FRY: variants seen among roughly 807,000 people sequenced by gnomAD.
FRY encodes FRY microtubule binding protein, also known as protein furry homolog.
FRY carries 128 observed loss-of-function variants against 348.4 expected under a neutral mutation model. That is an observed-to-expected ratio of 0.37 (90% CI 0.32 to 0.43). The LOEUF (loss-of-function observed/expected upper bound fraction) is 0.43, where lower values mean the gene tolerates loss of function less well. Among genes scored for constraint, FRY ranks in the 20% least tolerant of loss-of-function variants. FRY has a pLI of 1.00. For synonymous variants in FRY, 1,370 were observed against 1,374.7 expected (o/e 1.00, Z 0.08); for missense variants, 2,736 against 3,695.2 (o/e 0.74, Z 6.73).
chr13:32,254,078 A>G, intron 50 of FRY, 146 bp from the exon 51 acceptor site: 1 of 793,036 alleles, frequency 1.3e-6, no homozygotes, highest in African/African-American at 1.7e-5. Flanking sequence ...TCCAACATAA[A>G]TAATAAAAGA....
At chr13:32,085,305 A>T (rs1447032495) in intron 2 of FRY, among the ~76,000 whole-genome samples, 1 of 152,196 alleles carries the variant, frequency 6.6e-6, no homozygotes, top group Non-Finnish European at 1.5e-5. Context: ...TCTATATAGC[A>T]TCTATTACTG....
chr13:32,246,149 C>T lies in FRY; in HGVS notation c.6829-1174C>T, dbSNP rs115088124. ...TGAGGCTGTCCATTTTGTCTTAGGCCTGCGGGCGACGTCTGATACTTTTTA... is the reference window on the plus strand; with the variant it reads ...TGAGGCTGTCCATTTTGTCTTAGGCTTGCGGGCGACGTCTGATACTTTTTA... On this transcript the variant is annotated intron_variant, in intron 47 of 60. Coordinates refer to ENST00000542859, the MANE Select transcript of FRY (RefSeq NM_023037.3). 6.3e-3 allele frequency among the ~76,000 whole-genome samples: 966 copies of T among 152,316 alleles called. 14 individuals are homozygous for T. The highest frequency in any genetic ancestry group is 0.023 in the African/African-American group (943 of 41,562).
At chr13:32,179,567 G>A (rs1017525106) in intron 22 of FRY, 108 bp from the exon 23 acceptor site, 1 of 894,058 alleles carries the variant, frequency 1.1e-6, no homozygotes, top group Non-Finnish European at 1.8e-6. Flanking sequence ...GCAGTGCCTT[G>A]GGATATGGTT....
chr13:32,132,083 T>A (rs1020828399), intron 8 of FRY, among the ~76,000 whole-genome samples: 5 of 152,174 alleles, frequency 3.3e-5, no homozygotes, highest in African/African-American at 4.8e-5. Flanking sequence ...GCTGACTTTT[T>A]TCTCTTTCAC....
chr13:32,117,257 G>C, intron 3 of FRY, 77 bp from the exon 4 acceptor site: 2 of 1,334,452 alleles, frequency 1.5e-6, no homozygotes, highest in South Asian at 2.4e-5. Context: ...AGTGCTTGGG[G>C]TTACTTGTGA....
At chr13:32,189,529 T>C (rs1883210112) in intron 28 of FRY, among the ~76,000 whole-genome samples, 1 of 151,844 alleles carries the variant, frequency 6.6e-6, no homozygotes. Context: ...TAGAAATTAA[T>C]GAAAGAGAAA....
chr13:32,041,326 CT>C lies in FRY; in HGVS notation c.70+9464del, dbSNP rs540530843. Among the ~76,000 whole-genome samples the C allele has an allele frequency of 1.8e-4, 18 of 101,166 alleles. No individual in the cohort carries two copies. The South Asian group carries it at 5.9e-3, about 33-fold the overall frequency. The allele number at this position is 101,166 out of a possible 152,430, so 66.4% of individuals were successfully genotyped here. ...TTTTTTTTTTTGAGACAGAGTCTAG[CT>C]TTGTTGCCCAGGCTGAAGTGCAGTG... On this transcript the variant is annotated intron_variant, in intron 1 of 60. Coordinates refer to ENST00000542859, the MANE Select transcript of FRY (RefSeq NM_023037.3).
intron 3 of FRY, among the ~76,000 whole-genome samples, chr13:32,110,871 A>C (rs1877908743): frequency 6.6e-6 from 1 of 152,232 alleles, no homozygotes; most frequent in Non-Finnish European, 1.5e-5. Flanking sequence ...ATTACTCTGC[A>C]AAGGAGCATG....
intron 47 of FRY, 35 bp downstream of exon 47, chr13:32,244,217 C>G: frequency 6.3e-7 from 1 of 1,598,540 alleles, no homozygotes; most frequent in East Asian, 2.2e-5. Flanking sequence ...AGCAACCAGT[C>G]GTTCTAAAAA....
intron 18 of FRY, 121 bp downstream of exon 18, chr13:32,171,391 A>G (rs1882059194): frequency 1.3e-6 from 1 of 766,802 alleles, no homozygotes; most frequent in Non-Finnish European, 2.0e-6. Flanking sequence ...GACTCACTGC[A>G]ACCTCCACCT....
At chr13:32,166,152 G>A (rs1010823342) in intron 17 of FRY, among the ~76,000 whole-genome samples, 5 of 152,196 alleles carry the variant, frequency 3.3e-5, no homozygotes, top group African/African-American at 1.2e-4. Flanking sequence ...TTTATTTTAG[G>A]CTTCTGAGAG....
At chr13:32,067,585 G>T (rs868124774) in intron 1 of FRY, among the ~76,000 whole-genome samples, 2 of 152,210 alleles carry the variant, frequency 1.3e-5, no homozygotes, top group South Asian at 4.1e-4. Flanking sequence ...AGTGTTAATT[G>T]TTAAGTGTTT....
chr13:32,105,578 A>G (rs748916233), intron 3 of FRY, among the ~76,000 whole-genome samples: 27 of 152,248 alleles, frequency 1.8e-4, no homozygotes, highest in Non-Finnish European at 3.8e-4. Context: ...TCCAAACAGT[A>G]GGATTTTAAT....
chr13:32,278,696 A>G (rs1175034747), intron 58 of FRY, 148 bp downstream of exon 58: 2 of 749,512 alleles, frequency 2.7e-6, no homozygotes, highest in Non-Finnish European at 5.0e-6. Flanking sequence ...GTAAGACAGA[A>G]TGCCTTCCAG....
chr13:32,049,237 G>T (rs982630561), intron 1 of FRY, among the ~76,000 whole-genome samples: 2 of 152,136 alleles, frequency 1.3e-5, no homozygotes, highest in African/African-American at 4.8e-5. Context: ...ACAGAGAAGA[G>T]GGGGAAAGGC....
chr13:32,152,037 C>T (rs1162531593), intron 14 of FRY, among the ~76,000 whole-genome samples: 1 of 152,100 alleles, frequency 6.6e-6, no homozygotes, highest in Non-Finnish European at 1.5e-5. Context: ...AAATACTTAG[C>T]ACTAAAGCTG....
In FRY at chr13:32,239,581, G is replaced by A. The variant is rs966497332; in HGVS notation, c.6517-130G>A. On this transcript the variant is annotated intron_variant, in intron 45 of 60. Coordinates refer to ENST00000542859, the MANE Select transcript of FRY (RefSeq NM_023037.3). This position sits in a 1 kb window ranked among gnomAD's most constrained non-coding sequence, Gnocchi z 4.3. ...GTGAAAATTATATTAGCCAAGCTAAGTATTTCCTGTAATTACCAAAAAGTG... is the reference window on the plus strand; with the variant it reads ...GTGAAAATTATATTAGCCAAGCTAAATATTTCCTGTAATTACCAAAAAGTG... 2 of 734,992 alleles carry A rather than the reference G, an allele frequency of 2.7e-6. No individual in the cohort carries two copies. The highest frequency in any genetic ancestry group is 2.2e-5 in the Admixed American group (1 of 46,496). 45.5% of individuals were successfully genotyped at this position (734,992 alleles called of 1,614,324 possible). A position where few individuals can be genotyped will look rare whatever the true frequency, so the allele number is the denominator to read the frequency against.
chr13:32,268,532 A>C lies in FRY; in HGVS notation c.8136+1173A>C, dbSNP rs1416449687. Among the ~76,000 whole-genome samples the C allele has an allele frequency of 2.3e-3, 303 of 134,054 alleles. 2 individuals carry two copies. Among genetic ancestry groups the C allele is most frequent in the South Asian group, 3.9e-3 (16 of 4,144 alleles). The allele number at this position is 134,054 out of a possible 152,430, so 87.9% of individuals were successfully genotyped here. A position where few individuals can be genotyped will look rare whatever the true frequency, so the allele number is the denominator to read the frequency against. ...TATATATATATATATATATATATAT[A>C]TATATATCTAGATTAGTATTCCTTT... is the stretch of plus-strand genomic sequence containing the variant. On this transcript the variant is annotated intron_variant, in intron 55 of 60. Coordinates refer to ENST00000542859, the MANE Select transcript of FRY (RefSeq NM_023037.3).
intron 49 of FRY, 142 bp downstream of exon 49, chr13:32,249,829 C>T: frequency 1.4e-6 from 1 of 735,558 alleles, no homozygotes. Flanking sequence ...GGTCTTGTGG[C>T]ATTCCAAGGA....
Sources: allele counts gnomAD v4.1 joint callset (sites outside exome capture counted in the v4.1 genomes callset), GRCh38; gene constraint gnomAD v4.1.1; non-coding constraint Gnocchi (gnomAD v3.1); transcripts MANE v1.5; gene names NCBI Gene and HGNC (gene_info 2026-07-23, HGNC 2026-07-21).